Variants in FER observed in about 807,000 individuals in gnomAD.
The protein encoded by FER is tyrosine-protein kinase Fer.
In FER, 63 loss-of-function variants were observed where a neutral mutation model predicts 111.0. That is an observed-to-expected ratio of 0.57 (90% CI 0.46 to 0.70). The LOEUF is 0.70. Among genes scored for constraint, FER ranks in the 30% least tolerant of loss-of-function variants. FER has a pLI of 0.00. For missense variants in FER, 914 were observed against 954.0 expected, an observed-to-expected ratio of 0.96 and a Z score of 0.55; for synonymous variants, 327 against 313.9, an observed-to-expected ratio of 1.04 and a Z score of -0.44.
At chr5:109,037,277 CT>C (rs948975972) in intron 13 of FER, 144 bp from the exon 14 acceptor site, 13 of 612,340 alleles carry the variant, frequency 2.1e-5, no homozygotes, top group Non-Finnish European at 3.8e-5. Flanking sequence ...TTTACAGCAT[CT>C]TGGGGTTATA....
intron 2 of FER, among the ~76,000 whole-genome samples, chr5:108,779,740 A>G (rs961410255): frequency 6.6e-6 from 1 of 152,172 alleles, no homozygotes; most frequent in Admixed American, 6.5e-5. Context: ...GTGAACAAAC[A>G]CAGTTTTATT....
At chr5:108,956,350 C>A (rs1758427510) in intron 12 of FER, among the ~76,000 whole-genome samples, 1 of 151,532 alleles carries the variant, frequency 6.6e-6, no homozygotes, top group South Asian at 2.1e-4. Flanking sequence ...ATGAATGTTT[C>A]ATTTTATTTT....
chr5:108,896,609 A>G (rs1749142294), intron 9 of FER, among the ~76,000 whole-genome samples: 1 of 152,140 alleles, frequency 6.6e-6, no homozygotes, highest in South Asian at 2.1e-4. Context: ...AGGAGATTAC[A>G]GCTTTCTTTA....
intron 13 of FER, among the ~76,000 whole-genome samples, chr5:109,009,252 T>A (rs948947809): frequency 6.6e-6 from 1 of 151,940 alleles, no homozygotes; most frequent in African/African-American, 2.4e-5. Context: ...GCCAGGCTGG[T>A]CTTGAACTCC....
At chr5:108,924,831 C>A in intron 10 of FER, 1 of 1,218,418 alleles carries the variant, frequency 8.2e-7, no homozygotes, top group South Asian at 4.2e-5. Flanking sequence ...ACCCAGGGCC[C>A]CAGACATTAT....
chr5:108,824,591 G>A (rs1307444051), intron 3 of FER, among the ~76,000 whole-genome samples: 1 of 151,494 alleles, frequency 6.6e-6, no homozygotes, highest in Non-Finnish European at 1.5e-5. Flanking sequence ...TTCTTTTTTG[G>A]ATAGTTTGTT....
chr5:109,162,253 G>C (rs1001439294), intron 17 of FER, among the ~76,000 whole-genome samples: 3 of 151,966 alleles, frequency 2.0e-5, no homozygotes, highest in Non-Finnish European at 4.4e-5. Context: ...AACTCAGTCT[G>C]TTTCGTAAGA....
chr5:108,994,154 C>T (rs1217569661), intron 13 of FER, among the ~76,000 whole-genome samples: 4 of 152,050 alleles, frequency 2.6e-5, no homozygotes, highest in Admixed American at 2.6e-4. Context: ...AGTTTTTGCT[C>T]TTGTTGCAAT....
At chr5:109,144,781 C>T (rs1753897482) in intron 17 of FER, among the ~76,000 whole-genome samples, 1 of 151,944 alleles carries the variant, frequency 6.6e-6, no homozygotes, top group African/African-American at 2.4e-5. Flanking sequence ...TTTTGGATCT[C>T]GGAGCAAGAA....
chr5:109,015,236 C>G (rs933621843), intron 13 of FER, among the ~76,000 whole-genome samples: 1 of 152,010 alleles, frequency 6.6e-6, no homozygotes, highest in Non-Finnish European at 1.5e-5. Flanking sequence ...AGTGTCGTTC[C>G]ATTTTGATTT....
At chr5:108,771,675 C>A (rs1752915919) in intron 2 of FER, among the ~76,000 whole-genome samples, 2 of 152,160 alleles carry the variant, frequency 1.3e-5, no homozygotes, top group East Asian at 3.8e-4. Flanking sequence ...ACCTATATTA[C>A]CTTTTACCTG....
intron 16 of FER, among the ~76,000 whole-genome samples, chr5:109,078,192 G>C (rs1444046121): frequency 6.6e-6 from 1 of 152,108 alleles, no homozygotes; most frequent in African/African-American, 2.4e-5. Flanking sequence ...TGTGCCACTA[G>C]TGACATCCCT....
At position 109,125,045 on chromosome 5, in the gene FER, CAAAAAAAAAAA is replaced by C. The variant is rs373849561; in HGVS notation, c.2048+24535_2048+24545del. Among the ~76,000 whole-genome samples the C allele has an allele frequency of 5.3e-5, 4 of 75,620 alleles. No homozygotes were observed. In the Admixed American group the frequency reaches 5.9e-4, roughly 11 times the overall value. The allele number at this position is 75,620 out of a possible 152,430, so 49.6% of individuals were successfully genotyped here. A position where few individuals can be genotyped will look rare whatever the true frequency, so the allele number is the denominator to read the frequency against. On this transcript the variant is annotated intron_variant, in intron 17 of 19. Transcript: ENST00000281092. Reference sequence around the variant, plus strand: ...TGGGCGACAGAGTGAGACTCTGTCTCAAAAAAAAAAAAAAAAAAAGAAGAAAGATAGAAGTT... The same window carrying C: ...TGGGCGACAGAGTGAGACTCTGTCTCAAAAAAAAGAAGAAAGATAGAAGTT...
Position 108,835,816 on chromosome 5 carries a change from A to C in FER, c.481+9A>C, listed in dbSNP as rs368860845. 48 of 1,470,620 alleles carry C rather than the reference A, an allele frequency of 3.3e-5. No individual in the cohort carries two copies. In the Middle Eastern group the frequency reaches 5.6e-4, roughly 17 times the overall value. 91.1% of individuals were successfully genotyped at this position (1,470,620 alleles called of 1,614,324 possible). ...AGAAGCTTTAGCTAAAGGTAAGGCA[A>C]AATTTTAAAAATTGTTTACTTAGGT... is the stretch of plus-strand genomic sequence containing the variant. On this transcript the variant is annotated intron_variant, in intron 5 of 19. Coordinates refer to ENST00000281092, the MANE Select transcript of FER (RefSeq NM_005246.4).
intron 17 of FER, among the ~76,000 whole-genome samples, chr5:109,139,115 G>T (rs1753220962): frequency 1.3e-5 from 2 of 152,158 alleles, no homozygotes; most frequent in South Asian, 4.1e-4. Flanking sequence ...GAAATATGGG[G>T]TGGAGGGTAT....
intron 14 of FER, among the ~76,000 whole-genome samples, chr5:109,043,461 T>A (rs1262368920): frequency 6.6e-6 from 1 of 152,214 alleles, no homozygotes. Flanking sequence ...GACTATTAGA[T>A]TAAATGGTAA....
intron 17 of FER, among the ~76,000 whole-genome samples, chr5:109,132,707 G>A (rs1752483062): frequency 1.3e-5 from 2 of 152,282 alleles, no homozygotes; most frequent in South Asian, 4.1e-4. Flanking sequence ...AGATCTCTGG[G>A]TAGAGGTTTG....
At chr5:108,909,086 G>A (rs1344139353) in intron 10 of FER, among the ~76,000 whole-genome samples, 4 of 152,166 alleles carry the variant, frequency 2.6e-5, no homozygotes, top group Admixed American at 1.3e-4. Context: ...GCTTAATTGT[G>A]GGTAGATTTT....
chr5:108,893,002 G>A (rs1359322704), intron 9 of FER, among the ~76,000 whole-genome samples: 2 of 152,050 alleles, frequency 1.3e-5, no homozygotes, highest in African/African-American at 4.8e-5. Context: ...ATTTCTGAGG[G>A]CTCTGTTCTG....
Sources: gnomAD v4.1 joint callset for allele counts (sites outside exome capture counted in the v4.1 genomes callset) on GRCh38, gnomAD v4.1.1 for gene constraint, MANE v1.5 for transcripts, NCBI Gene and HGNC (gene_info 2026-07-23, HGNC 2026-07-21) for gene names.